The following SRFBP1 variants were observed in gnomAD, a reference collection of about 807,000 sequenced individuals.
SRFBP1 encodes serum response factor binding protein 1, also known as serum response factor-binding protein 1.
A neutral mutation model predicts 45.5 loss-of-function variants in SRFBP1; 47 were observed. The observed-to-expected ratio is 1.03, with a 90% CI of 0.82 to 1.32. SRFBP1 has a LOEUF of 1.32. Among genes scored for constraint, SRFBP1 ranks in the 40% most tolerant of loss-of-function variants. The pLI is 0.00. For synonymous variants in SRFBP1, 203 were observed against 166.3 expected, an observed-to-expected ratio of 1.22 and a Z score of -1.70; for missense variants, 621 against 484.6, an observed-to-expected ratio of 1.28 and a Z score of -2.64.
chr5:121,992,629 ATT>A (rs1752641976), intron 3 of SRFBP1, among the ~76,000 whole-genome samples: 3 of 152,128 alleles, frequency 2.0e-5, no homozygotes, highest in African/African-American at 7.2e-5. Flanking sequence ...ACAATGTGTA[ATT>A]AATCGCTACT....
chr5:122,058,529 AGTGTGTGTGTGTGTGTGTGTGTGT>A (rs147926229), intron 2 of SRFBP1, among the ~76,000 whole-genome samples: 6 of 142,348 alleles, frequency 4.2e-5, no homozygotes, highest in Admixed American at 1.4e-4. Context: ...ACAATGAGAT[AGTGTGTGTGTGTGTGTGTGTGTGT>A]GTGTGTGTGT....
chr5:121,976,768 A>C (rs958764109), intron 3 of SRFBP1, among the ~76,000 whole-genome samples: 4 of 150,594 alleles, frequency 2.7e-5, no homozygotes, highest in African/African-American at 9.7e-5. Context: ...ATATATGTGC[A>C]TACACATACA....
At chr5:122,078,763 C>T (rs1754716145), downstream of SRFBP1, among the ~76,000 whole-genome samples, 1 of 152,188 alleles carries the variant, frequency 6.6e-6, no homozygotes, top group Non-Finnish European at 1.5e-5. Context: ...GAAGCGCCCT[C>T]AGCAAATAAA....
At chr5:122,060,823 C>T (rs1056313283) in intron 2 of SRFBP1, among the ~76,000 whole-genome samples, 2 of 152,094 alleles carry the variant, frequency 1.3e-5, no homozygotes, top group Non-Finnish European at 2.9e-5. Context: ...CTGCAGCAAA[C>T]TCCACCCTTG....
At chr5:122,006,518 TC>T (rs1227528352) in intron 4 of SRFBP1, among the ~76,000 whole-genome samples, 3 of 152,158 alleles carry the variant, frequency 2.0e-5, no homozygotes, top group African/African-American at 7.2e-5. Flanking sequence ...CTTCACAAAC[TC>T]CTGTAATTCA....
Position 122,009,238 on chromosome 5 carries a change from G to C in SRFBP1, c.271-10022G>C, listed in dbSNP as rs1344271164. 2.0e-5 allele frequency among the ~76,000 whole-genome samples: 3 copies of C among 151,946 alleles called. No homozygotes were observed. In the East Asian group the frequency reaches 5.8e-4, roughly 29 times the overall value. ...TTATCTTTTTTTAAATATTTAATTG[G>C]TTTGTTTTCTTAATGATTTATACGA... On this transcript the variant is annotated intron_variant, in intron 4 of 7. Transcript: ENST00000339397.
chr5:122,028,269 C>A lies in SRFBP1; in HGVS notation c.*1143C>A, dbSNP rs1381907470. 1 of 152,170 alleles carries A rather than the reference C, an allele frequency of 6.6e-6. No homozygotes were observed. The highest frequency in any genetic ancestry group is 6.5e-5 in the Admixed American group (1 of 15,272). The allele number at this position is 152,170 out of a possible 1,614,324, so 9.4% of individuals were successfully genotyped here. ...GAAGGCCATCTGGTTAACCTGTATTCACAAACTCTCAAGAGTTTCTACTTA... is the reference window on the plus strand; with the variant it reads ...GAAGGCCATCTGGTTAACCTGTATTAACAAACTCTCAAGAGTTTCTACTTA... On this transcript the variant is annotated 3_prime_UTR_variant, in exon 8 of 8. Coordinates refer to ENST00000339397, the MANE Select transcript of SRFBP1 (RefSeq NM_152546.3).
chr5:122,002,042 A>G lies in SRFBP1; in HGVS notation c.270+7372A>G, dbSNP rs569757489. Among the ~76,000 whole-genome samples the G allele has an allele frequency of 6.6e-5, 10 of 152,342 alleles. No homozygotes were observed. The South Asian group carries it at 1.9e-3, about 28-fold the overall frequency. ...CATATTGATTTGTCTTTAAAATTGA[A>G]TTATTTATTAAATACAACCTATATT... On this transcript the variant is annotated intron_variant, in intron 4 of 7. Transcript: ENST00000339397.
chr5:122,055,620 TAA>T (rs759130251), intron 2 of SRFBP1, among the ~76,000 whole-genome samples: 4 of 152,026 alleles, frequency 2.6e-5, no homozygotes, highest in African/African-American at 9.7e-5. Context: ...TTCATCCCAA[TAA>T]AAAAAGACAT....
At chr5:121,995,744 A>C (rs1752711681) in intron 4 of SRFBP1, among the ~76,000 whole-genome samples, 1 of 152,050 alleles carries the variant, frequency 6.6e-6, no homozygotes, top group Non-Finnish European at 1.5e-5. Flanking sequence ...TGAAAGGATC[A>C]ACAAAATTGA....
downstream of SRFBP1, chr5:122,076,892 C>T: frequency 6.2e-7 from 1 of 1,613,962 alleles, no homozygotes; most frequent in South Asian, 1.1e-5. Flanking sequence ...TCAGCCCGTA[C>T]CTGGCCAGAC....
chr5:122,063,396 C>T (rs1303860662), intron 2 of SRFBP1: 4 of 151,826 alleles, frequency 2.6e-5, no homozygotes, highest in Non-Finnish European at 5.9e-5. Flanking sequence ...TCACTAAAAA[C>T]CTAACACCAA....
chr5:122,033,166 G>T (rs1753618078), downstream of SRFBP1, among the ~76,000 whole-genome samples: 2 of 148,310 alleles, frequency 1.3e-5, no homozygotes, highest in South Asian at 2.1e-4. Context: ...ACTGGTGAGG[G>T]TTTTTTTTTC....
At chr5:122,038,058 C>G (rs1463156715) in intron 2 of SRFBP1, among the ~76,000 whole-genome samples, 2 of 152,082 alleles carry the variant, frequency 1.3e-5, no homozygotes, top group African/African-American at 4.8e-5. Context: ...TTTTTTATGT[C>G]TTAGATGGAT....
chr5:121,993,563 A>G (rs1355314980), intron 3 of SRFBP1, among the ~76,000 whole-genome samples: 1 of 152,174 alleles, frequency 6.6e-6, no homozygotes, highest in Non-Finnish European at 1.5e-5. Context: ...CCACCCAGTT[A>G]TAGGACCTTG....
intron 4 of SRFBP1, among the ~76,000 whole-genome samples, chr5:121,997,905 A>T (rs1367368048): frequency 6.7e-6 from 1 of 149,688 alleles, no homozygotes. Flanking sequence ...GCCAAAAAAC[A>T]CATGAAAAAA....
intron 4 of SRFBP1, among the ~76,000 whole-genome samples, chr5:122,007,911 A>G (rs1753011550): frequency 6.6e-6 from 1 of 152,052 alleles, no homozygotes; most frequent in Non-Finnish European, 1.5e-5. Flanking sequence ...ATCCTCAGTC[A>G]CAGGGCCTGG....
chr5:122,007,111 T>C (rs1428712790), intron 4 of SRFBP1, among the ~76,000 whole-genome samples: 3 of 152,024 alleles, frequency 2.0e-5, no homozygotes, highest in African/African-American at 7.3e-5. Flanking sequence ...TCTGGCATGA[T>C]TTGAGGGCAG....
chr5:122,018,218 A>T (rs1753226336), intron 4 of SRFBP1, among the ~76,000 whole-genome samples: 1 of 152,200 alleles, frequency 6.6e-6, no homozygotes, highest in Non-Finnish European at 1.5e-5. Context: ...GCATGATTTG[A>T]TTACATTTTT....
Sources: gnomAD v4.1 joint callset for allele counts (sites outside exome capture counted in the v4.1 genomes callset) on GRCh38, gnomAD v4.1.1 for gene constraint, MANE v1.5 for transcripts, NCBI Gene and HGNC (gene_info 2026-07-23, HGNC 2026-07-21) for gene names.